The following TAF4B variants were observed in gnomAD, a reference collection of about 807,000 sequenced individuals.
TAF4B encodes TATA-box binding protein associated factor 4b, also known as transcription initiation factor TFIID subunit 4B.
TAF4B carries 38 observed loss-of-function variants against 86.4 expected under a neutral mutation model. The ratio of observed to expected loss-of-function variants is 0.44; its 90% CI spans 0.34 to 0.58. TAF4B has a LOEUF of 0.58. Among genes scored for constraint, TAF4B ranks in the 20% least tolerant of loss-of-function variants. TAF4B has a pLI of 0.02. For missense variants in TAF4B, 988 were observed against 1,027.6 expected, an observed-to-expected ratio of 0.96 and a Z score of 0.53; for synonymous variants, 388 against 391.2, an observed-to-expected ratio of 0.99 and a Z score of 0.10.
intron 9 of TAF4B, among the ~76,000 whole-genome samples, chr18:26,297,850 TAGAAC>T (rs1045059973): frequency 1.3e-5 from 2 of 152,170 alleles, no homozygotes; most frequent in African/African-American, 4.8e-5. Context: ...TATAAATACA[TAGAAC>T]AGAATTGCTG....
intron 9 of TAF4B, among the ~76,000 whole-genome samples, chr18:26,301,713 G>A (rs1310056407): frequency 6.6e-6 from 1 of 152,146 alleles, no homozygotes; most frequent in Non-Finnish European, 1.5e-5. Context: ...TTAATTAAAT[G>A]TCAGATCTGT....
chr18:26,267,039 G>A (rs893352085), intron 2 of TAF4B: 2 of 151,910 alleles, frequency 1.3e-5, no homozygotes, highest in African/African-American at 4.8e-5. Flanking sequence ...TCATTTTTGT[G>A]CCCTACTAAT....
At chr18:26,302,744 C>G (rs1490102428) in intron 9 of TAF4B, among the ~76,000 whole-genome samples, 1 of 151,984 alleles carries the variant, frequency 6.6e-6, no homozygotes, top group Non-Finnish European at 1.5e-5. Flanking sequence ...GATCCTGATT[C>G]GTTTTTCCCC....
chr18:26,389,753 G>A (rs999573412), intron 14 of TAF4B, 92 bp from the exon 15 acceptor site: 4 of 1,338,494 alleles, frequency 3.0e-6, no homozygotes, highest in Non-Finnish European at 4.1e-6. Context: ...CCAGTGACCA[G>A]AGGGTAGTGG....
rs760090318 is a variant in TAF4B at position 26,327,008 on chromosome 18, T to C, written c.2134-7T>C. On this transcript the variant is annotated splice_region_variant and splice_polypyrimidine_tract_variant and intron_variant, in intron 11 of 14. Coordinates refer to ENST00000269142, the MANE Select transcript of TAF4B (RefSeq NM_005640.3). ...TATAAGACTTTCTGTTTTCTTTTTT[T>C]TCCCAGGCAAGTGAAAATTACATCC... 9.9e-6 allele frequency: 16 copies of C among 1,611,022 alleles called. No homozygotes were observed. The East Asian group carries it at 3.6e-4, about 36-fold the overall frequency.
At chr18:26,274,901 G>T (rs751884477) in intron 4 of TAF4B, 30 bp from the exon 5 acceptor site, 30 of 1,612,208 alleles carry the variant, frequency 1.9e-5, no homozygotes, top group Non-Finnish European at 2.3e-5. Context: ...TAACACTTGT[G>T]TTTGCTTATA....
chr18:26,367,125 T>C (rs1242668367), intron 14 of TAF4B, among the ~76,000 whole-genome samples: 1 of 152,164 alleles, frequency 6.6e-6, no homozygotes, highest in Non-Finnish European at 1.5e-5. Context: ...TGGACATTAA[T>C]AGGATTCTCC....
chr18:26,273,141 G>A (rs1377796867), intron 3 of TAF4B, among the ~76,000 whole-genome samples: 2 of 152,076 alleles, frequency 1.3e-5, no homozygotes, highest in Non-Finnish European at 2.9e-5. Context: ...TGTTGTATAA[G>A]ACAGGAGTTA....
intron 9 of TAF4B, among the ~76,000 whole-genome samples, chr18:26,313,469 G>A (rs1422582052): frequency 6.6e-6 from 1 of 152,090 alleles, no homozygotes; most frequent in East Asian, 1.9e-4. Flanking sequence ...AGCATCCCAT[G>A]TCTCTGAGGA....
At chr18:26,268,627 C>T (rs928402731) in intron 3 of TAF4B, among the ~76,000 whole-genome samples, 10 of 152,048 alleles carry the variant, frequency 6.6e-5, no homozygotes, top group African/African-American at 2.2e-4. Flanking sequence ...AAGTGAATCA[C>T]CTGAATCATG....
chr18:26,269,893 G>C (rs1160293358), intron 3 of TAF4B, among the ~76,000 whole-genome samples: 1 of 152,074 alleles, frequency 6.6e-6, no homozygotes, highest in Non-Finnish European at 1.5e-5. Context: ...AAAACCTACT[G>C]TATTTTTTTC....
At chr18:26,330,053 G>A (rs1314762119) in intron 12 of TAF4B, among the ~76,000 whole-genome samples, 1 of 151,874 alleles carries the variant, frequency 6.6e-6, no homozygotes, top group Non-Finnish European at 1.5e-5. Context: ...TTTTTCATAG[G>A]ACGGCATTCT....
At chr18:26,315,547 A>G in intron 10 of TAF4B, 149 bp downstream of exon 10, 1 of 514,752 alleles carries the variant, frequency 1.9e-6, no homozygotes, top group Non-Finnish European at 3.3e-6. Flanking sequence ...GCATTACAGA[A>G]AGAAGTAGTT....
chr18:26,258,555 A>G (rs546124285), intron 1 of TAF4B, among the ~76,000 whole-genome samples: 121 of 152,298 alleles, frequency 7.9e-4, no homozygotes, highest in African/African-American at 2.8e-3. Context: ...ATACTGCCAA[A>G]TTACATAATT....
chr18:26,269,975 ATTG>A (rs2056292493), intron 3 of TAF4B, among the ~76,000 whole-genome samples: 1 of 152,196 alleles, frequency 6.6e-6, no homozygotes. Flanking sequence ...CTACTATCAT[ATTG>A]TTTTATGAAG....
At chr18:26,307,804 T>A (rs2056810154) in intron 9 of TAF4B, among the ~76,000 whole-genome samples, 1 of 152,204 alleles carries the variant, frequency 6.6e-6, no homozygotes, top group Non-Finnish European at 1.5e-5. Flanking sequence ...ATATAATTCA[T>A]TGTTTTATGT....
intron 1 of TAF4B, among the ~76,000 whole-genome samples, chr18:26,246,003 C>T (rs2055918587): frequency 6.6e-6 from 1 of 152,098 alleles, no homozygotes; most frequent in African/African-American, 2.4e-5. Context: ...GGATAAATTG[C>T]TAGAAGTGGA....
chr18:26,343,980 T>C lies in TAF4B; in HGVS notation c.2316+8749T>C, dbSNP rs553248893. 3.3e-5 allele frequency among the ~76,000 whole-genome samples: 5 copies of C among 152,290 alleles called. No homozygotes were observed. The South Asian group carries it at 1.0e-3, about 32-fold the overall frequency. ...AGATAACATAGATGTTGGAATTATC[T>C]GACAAACACACTACTATAAAAATGC... On this transcript the variant is annotated intron_variant, in intron 13 of 14. Transcript: ENST00000269142.
chr18:26,285,963 A>G lies in TAF4B; in HGVS notation c.1054A>G (p.Met352Val). The G allele has an allele frequency of 6.2e-7, 1 of 1,614,186 alleles. No individual in the cohort carries two copies. Among genetic ancestry groups the G allele is most frequent in the Non-Finnish European group, 8.5e-7 (1 of 1,180,008 alleles). Reference protein sequence around the residue: ...QQCVQQTSSDMVIATCTTTVT... With the variant: ...QQCVQQTSSDVVIATCTTTVT... ...ATGTGTTCAGCAGACTTCTAGTGACATGGTCATTGCTACCTGTACTACAAC... is the reference window on the plus strand; with the variant it reads ...ATGTGTTCAGCAGACTTCTAGTGACGTGGTCATTGCTACCTGTACTACAAC... Residue 352 changes from methionine (M) to valine (V), a missense_variant, in exon 7 of 15, where the codon ATG (methionine) becomes GTG (valine). Coordinates refer to ENST00000269142, the MANE Select transcript of TAF4B (RefSeq NM_005640.3).
Sources: allele counts gnomAD v4.1 joint callset (sites outside exome capture counted in the v4.1 genomes callset), GRCh38; gene constraint gnomAD v4.1.1; transcripts MANE v1.5; gene names NCBI Gene and HGNC (gene_info 2026-07-23, HGNC 2026-07-21).